Variants in CCDC141 observed in about 807,000 individuals in gnomAD.
CCDC141 encodes coiled-coil domain containing 141, also known as coiled-coil domain-containing protein 141.
In CCDC141, 168 loss-of-function variants were observed where a neutral mutation model predicts 181.0. The observed-to-expected ratio is 0.93, with a 90% confidence interval of 0.82 to 1.05. The LOEUF is 1.05. CCDC141 is among the 50% of genes least tolerant of loss of function. CCDC141 has a pLI of 0.00. For synonymous variants in CCDC141, 666 were observed against 642.3 expected, an observed-to-expected ratio of 1.04 and a Z score of -0.56; for missense variants, 1,902 against 1,788.5, an observed-to-expected ratio of 1.06 and a Z score of -1.14.
At chr2:178,896,417 G>A (rs1687408984) in intron 8 of CCDC141, among the ~76,000 whole-genome samples, 2 of 152,244 alleles carry the variant, frequency 1.3e-5, no homozygotes, top group South Asian at 4.1e-4. Flanking sequence ...TTTGGGGTCA[G>A]TTTTATATGG....
At chr2:178,971,705 A>C (rs988540720) in intron 4 of CCDC141, among the ~76,000 whole-genome samples, 3 of 152,204 alleles carry the variant, frequency 2.0e-5, no homozygotes, top group Non-Finnish European at 4.4e-5. Context: ...GATAAAGAAA[A>C]TGTGGCACAT....
chr2:178,974,963 T>A (rs180811193), intron 4 of CCDC141, 94 bp downstream of exon 4: 12 of 552,192 alleles, frequency 2.2e-5, no homozygotes, highest in South Asian at 4.0e-5. Flanking sequence ...CATAAATAGA[T>A]CAATTTAAAA....
intron 12 of CCDC141, among the ~76,000 whole-genome samples, chr2:178,872,785 C>T (rs1686179312): frequency 6.6e-6 from 1 of 152,090 alleles, no homozygotes; most frequent in African/African-American, 2.4e-5. Flanking sequence ...GTATACATTG[C>T]AATTATTTTA....
In CCDC141 at chr2:178,905,342, C is replaced by T. The variant is rs2154372964; in HGVS notation, c.1252G>A (p.Val418Ile). The T allele has an allele frequency of 6.5e-7, 1 of 1,549,058 alleles. No individual in the cohort carries two copies. The highest frequency in any genetic ancestry group is 8.7e-7 in the Non-Finnish European group (1 of 1,146,458). ...LQKGQTLISQ[V>I]DSCSSQVSGI... is the part of the protein sequence containing the mutation. ...AACTTTACTCACCTGCAGGAGTCTA[C>T]TTGGCTGATTAAGGTTTGTCCCTTT... The change falls in exon 8 of 24, where the codon GTA becomes ATA. Residue 418 changes from valine to isoleucine, a missense_variant. By Grantham distance (29) the Val-to-Ile change is conservative (BLOSUM62 3). Coordinates refer to ENST00000443758, the MANE Select transcript of CCDC141 (RefSeq NM_173648.4).
chr2:179,046,515 G>A (rs890385124), intron 2 of CCDC141, among the ~76,000 whole-genome samples: 1 of 152,154 alleles, frequency 6.6e-6, no homozygotes, highest in Admixed American at 6.6e-5. Flanking sequence ...AGAAGGGTGG[G>A]GTAAAACCCA....
chr2:178,889,682 G>A (rs1169162190), intron 8 of CCDC141, among the ~76,000 whole-genome samples: 5 of 152,156 alleles, frequency 3.3e-5, no homozygotes, highest in East Asian at 3.8e-4. Flanking sequence ...GAGTGATGAC[G>A]ATGCCACTAT....
In CCDC141 at chr2:178,978,673, A is replaced by T. The variant is rs759225466; in HGVS notation, c.228T>A (p.Ala76=). 28 of 1,532,890 alleles carry T rather than the reference A, an allele frequency of 1.8e-5. No individual in the cohort carries two copies. In the South Asian group the frequency reaches 2.9e-4, roughly 16 times the overall value. The allele number at this position is 1,532,890 out of a possible 1,614,324, so 95.0% of individuals were successfully genotyped here. The change falls in exon 3 of 24, where the codon GCT becomes GCA. Residue 76 remains alanine (A), a splice_region_variant and synonymous_variant. Transcript: ENST00000443758. ...DHELLLAKLK[A]LEDRVWELLQ... ...AGAGTTCCCATACCCGATCTTCCAA[A>T]GCCTAAGTACAAAAGAAAAAGGCAT...
intron 7 of CCDC141, among the ~76,000 whole-genome samples, chr2:178,916,235 A>T (rs1422046801): frequency 6.6e-6 from 1 of 152,174 alleles, no homozygotes; most frequent in East Asian, 1.9e-4. Flanking sequence ...TCATTATATA[A>T]ACTGAACATA....
In CCDC141 at chr2:178,834,158, G is replaced by T; in HGVS notation, c.*15C>A. ...AGGCACATGAGAATGATGTCCATTG[G>T]TGCCAACACCACAGTTATTGTGTGA... On this transcript the variant is annotated 3_prime_UTR_variant, in exon 24 of 24. Transcript: ENST00000443758. The T allele has an allele frequency of 6.5e-7, 1 of 1,531,572 alleles. No individual in the cohort carries two copies. The highest frequency in any genetic ancestry group is 1.2e-5 in the South Asian group (1 of 83,962). The allele number at this position is 1,531,572 out of a possible 1,614,324, so 94.9% of individuals were successfully genotyped here.
intron 2 of CCDC141, among the ~76,000 whole-genome samples, chr2:178,989,313 G>A (rs1191723497): frequency 1.3e-5 from 2 of 152,056 alleles, no homozygotes; most frequent in African/African-American, 2.4e-5. Context: ...ATAGAAAGGG[G>A]CTGGGCGCAG....
intron 17 of CCDC141, among the ~76,000 whole-genome samples, chr2:178,858,515 A>G (rs979651421): frequency 1.3e-5 from 2 of 152,112 alleles, no homozygotes; most frequent in African/African-American, 2.4e-5. Context: ...ATGAGTGCAG[A>G]GTTTCTGTTT....
At chr2:178,844,883 T>C (rs1003673307) in intron 22 of CCDC141, among the ~76,000 whole-genome samples, 1 of 152,224 alleles carries the variant, frequency 6.6e-6, no homozygotes, top group Non-Finnish European at 1.5e-5. Flanking sequence ...AGCAGGCAAC[T>C]TGGCAAAGCA....
rs149122762 is a variant in CCDC141 at position 179,040,273 on chromosome 2, T to C, written c.225+7011A>G. The stretch of plus-strand genomic sequence containing the variant: ...AAGTCCAGAGAACTTAAATGGCTAG[T>C]CCACACATAGCCTGAAGGGCATCAA... On this transcript the variant is annotated intron_variant, in intron 2 of 23. Transcript: ENST00000443758. Among the ~76,000 whole-genome samples, 281 of 152,330 alleles carry C rather than the reference T, an allele frequency of 1.8e-3. 1 individual carries two copies. The highest frequency in any genetic ancestry group is 6.4e-3 in the African/African-American group (268 of 41,562).
chr2:178,973,927 G>A (rs1272906478), intron 4 of CCDC141, among the ~76,000 whole-genome samples: 1 of 152,064 alleles, frequency 6.6e-6, no homozygotes, highest in Non-Finnish European at 1.5e-5. Flanking sequence ...GTATAATAAT[G>A]GGCAACTGTT....
the CCDC141 span, among the ~76,000 whole-genome samples, chr2:178,818,130 G>C: frequency 6.6e-6 from 1 of 151,978 alleles, no homozygotes; most frequent in East Asian, 1.9e-4. Context: ...CAATGTGTTC[G>C]TTTTCAGAAG....
intron 4 of CCDC141, among the ~76,000 whole-genome samples, chr2:178,971,077 G>A (rs950045282): frequency 4.6e-5 from 7 of 151,960 alleles, no homozygotes; most frequent in Non-Finnish European, 1.0e-4. Flanking sequence ...GCCTGGTGGC[G>A]TGGGCCTGAA....
chr2:178,830,940 A>G lies in CCDC141; in HGVS notation c.*3233T>C, dbSNP rs1032344418. On this transcript the variant is annotated 3_prime_UTR_variant, in exon 24 of 24. Transcript: ENST00000443758. Reference sequence around the variant, plus strand: ...CACTTTACTAGGGGTTGGGGGTAATAGGAGGGGATCAAACCGAGGCCAGAG... The same window carrying G: ...CACTTTACTAGGGGTTGGGGGTAATGGGAGGGGATCAAACCGAGGCCAGAG... 2 of 152,228 alleles carry G rather than the reference A, an allele frequency of 1.3e-5. No homozygotes were observed. Among genetic ancestry groups the G allele is most frequent in the African/African-American group, 4.8e-5 (2 of 41,448 alleles). 9.4% of individuals were successfully genotyped at this position (152,228 alleles called of 1,614,324 possible).
chr2:179,004,853 C>A (rs2042079449), intron 2 of CCDC141, among the ~76,000 whole-genome samples: 1 of 152,150 alleles, frequency 6.6e-6, no homozygotes, highest in Non-Finnish European at 1.5e-5. Context: ...GCCTCGGCCC[C>A]ACCTAGTAGC....
chr2:178,817,754 TTTTCTA>T, the CCDC141 span: 1 of 304,102 alleles, frequency 3.3e-6, no homozygotes, highest in South Asian at 3.1e-5. Flanking sequence ...TCTTTATCTC[TTTTCTA>T]TTTCTCTCTC....
Sources: allele counts gnomAD v4.1 joint callset (sites outside exome capture counted in the v4.1 genomes callset), GRCh38; gene constraint gnomAD v4.1.1; transcripts MANE v1.5; gene names NCBI Gene and HGNC (gene_info 2026-07-23, HGNC 2026-07-21).